Variants in ZNF717 observed in about 807,000 individuals in gnomAD.
ZNF717 encodes the protein zinc finger protein 717.
In ZNF717, 9 loss-of-function variants were observed where a neutral mutation model predicts 13.8. The observed-to-expected ratio is 0.65, with a 90% CI of 0.39 to 1.14. The LOEUF (loss-of-function observed/expected upper bound fraction) is 1.14. ZNF717 is among the 50% of genes most tolerant of loss of function. The pLI, the probability that ZNF717 is intolerant of heterozygous loss-of-function variation, is 0.01. For synonymous variants in ZNF717, 327 were observed against 364.1 expected (o/e 0.90, Z 1.16); for missense variants, 1,040 against 1,080.7 (o/e 0.96, Z 0.53).
In ZNF717 at chr3:75,752,292, C is replaced by T. The variant is rs369831637; in HGVS notation, c.58-10556G>A. Among the ~76,000 whole-genome samples, 11 of 130,118 alleles carry T rather than the reference C, an allele frequency of 8.5e-5. No homozygotes were observed. In the East Asian group the frequency reaches 9.4e-4, roughly 11 times the overall value. The allele number at this position is 130,118 out of a possible 152,430, so 85.4% of individuals were successfully genotyped here. ...GTCCCTCAGATAAGATTCCAGAACA[C>T]GGCTACGAGGGTCTGAATGTTTGTC... On this transcript the variant is annotated intron_variant, in intron 2 of 4. Coordinates refer to ENST00000652011, the MANE Select transcript of ZNF717 (RefSeq NM_001290208.3).
At chr3:75,740,544 A>C (rs1228527959) in intron 4 of ZNF717, among the ~76,000 whole-genome samples, 1 of 148,892 alleles carries the variant, frequency 6.7e-6, no homozygotes, top group African/African-American at 2.5e-5. Context: ...AACTGGGATT[A>C]CAAACCCTTG....
At chr3:75,731,253 A>G (rs1240781856), downstream of ZNF717, among the ~76,000 whole-genome samples, 1 of 152,290 alleles carries the variant, frequency 6.6e-6, no homozygotes, top group Admixed American at 6.5e-5. Flanking sequence ...GGTGTGTGCC[A>G]GTAGTACCAG....
chr3:75,767,271 AC>A (rs1943553713), intron 2 of ZNF717, among the ~76,000 whole-genome samples: 1 of 152,224 alleles, frequency 6.6e-6, no homozygotes, highest in African/African-American at 2.4e-5. Flanking sequence ...GCCACCCTGC[AC>A]ACCACACCGC....
chr3:75,756,886 C>A (rs376437760), intron 2 of ZNF717, among the ~76,000 whole-genome samples: 45 of 135,416 alleles, frequency 3.3e-4, no homozygotes, highest in African/African-American at 1.1e-3. Context: ...ACGTTGGTCA[C>A]ACTGGTGTCG....
At chr3:75,724,008 C>G (rs1278730237) in intron 4 of ZNF717, among the ~76,000 whole-genome samples, 1 of 152,010 alleles carries the variant, frequency 6.6e-6, no homozygotes, top group Non-Finnish European at 1.5e-5. Flanking sequence ...ATAGCAGTAG[C>G]AGAATTAGTG....
chr3:75,697,497 G>A (rs1937616172), intron 6 of ZNF717, among the ~76,000 whole-genome samples: 2 of 152,402 alleles, frequency 1.3e-5, no homozygotes, highest in Admixed American at 6.5e-5. Flanking sequence ...GTAACAACTT[G>A]CACCTCTGTT....
intron 5 of ZNF717, among the ~76,000 whole-genome samples, chr3:75,713,235 C>T (rs1216646672): frequency 1.3e-5 from 2 of 152,256 alleles, no homozygotes; most frequent in African/African-American, 4.8e-5. Context: ...ACTGCAGCCT[C>T]AACCTCCTGG....
At chr3:75,719,882 C>T (rs77028713) in intron 4 of ZNF717, among the ~76,000 whole-genome samples, 2 of 151,724 alleles carry the variant, frequency 1.3e-5, no homozygotes, top group Non-Finnish European at 2.9e-5. Flanking sequence ...CACTTGAACC[C>T]GGGAGAAGGA....
intron 5 of ZNF717, among the ~76,000 whole-genome samples, chr3:75,711,608 C>T (rs1441818847): frequency 3.3e-5 from 5 of 151,948 alleles, no homozygotes; most frequent in Admixed American, 6.6e-5. Flanking sequence ...TCAGCCTGGG[C>T]AATATGGAGA....
intron 5 of ZNF717, among the ~76,000 whole-genome samples, chr3:75,716,062 C>T (rs77128575): frequency 6.6e-6 from 1 of 151,986 alleles, no homozygotes; most frequent in Non-Finnish European, 1.5e-5. Context: ...CCTCCACTTC[C>T]CAGGTTCAAG....
intron 4 of ZNF717, among the ~76,000 whole-genome samples, chr3:75,722,776 G>A (rs1387922900): frequency 1.5e-3 from 195 of 130,490 alleles, no homozygotes; most frequent in African/African-American, 5.7e-3. Context: ...ATTGTGTCCA[G>A]CCTGGTGACA....
chr3:75,780,271 G>C (rs748822162), intron 2 of ZNF717, among the ~76,000 whole-genome samples: 1 of 152,030 alleles, frequency 6.6e-6, no homozygotes, highest in Non-Finnish European at 1.5e-5. Flanking sequence ...TGGGAGTCAC[G>C]TGCTAAAACT....
intron 2 of ZNF717, among the ~76,000 whole-genome samples, chr3:75,773,272 C>T (rs1304862370): frequency 3.4e-3 from 506 of 149,014 alleles, no homozygotes; most frequent in African/African-American, 0.013. Flanking sequence ...AAAATAGGAT[C>T]CTTAATTTCT....
intron 6 of ZNF717, among the ~76,000 whole-genome samples, chr3:75,698,169 G>T (rs1937625926): frequency 1.4e-5 from 2 of 141,290 alleles, no homozygotes; most frequent in South Asian, 4.7e-4. Context: ...AAAAAAGGTT[G>T]TAACTTAAGC....
rs574158480 is a variant in ZNF717, at chr3:75,740,079, G to A, written c.278-734C>T. On this transcript the variant is annotated intron_variant, in intron 4 of 4. Transcript: ENST00000652011. ...AACTCAGGCTGTGCCCGTCATCTTCGAAAAGTGTATTTCTGGTTCCTTCTG... is the reference window on the plus strand; with the variant it reads ...AACTCAGGCTGTGCCCGTCATCTTCAAAAAGTGTATTTCTGGTTCCTTCTG... Among the ~76,000 whole-genome samples, 99 of 148,240 alleles carry A rather than the reference G, an allele frequency of 6.7e-4. 1 individual carries two copies. Among genetic ancestry groups the A allele is most frequent in the African/African-American group, 2.0e-3 (84 of 41,262 alleles).
intron 4 of ZNF717, among the ~76,000 whole-genome samples, chr3:75,720,355 G>A (rs1221314126): frequency 1.3e-5 from 2 of 152,098 alleles, no homozygotes; most frequent in East Asian, 1.9e-4. Context: ...TGCATCTGGA[G>A]CCCATCATCC....
intron 2 of ZNF717, among the ~76,000 whole-genome samples, chr3:75,759,093 C>T (rs1414212677): frequency 6.6e-6 from 1 of 152,194 alleles, no homozygotes; most frequent in Non-Finnish European, 1.5e-5. Context: ...TGCTGTTGCA[C>T]ACTTTATACA....
intron 5 of ZNF717, among the ~76,000 whole-genome samples, chr3:75,711,593 T>C (rs1442923839): frequency 6.6e-6 from 1 of 152,110 alleles, no homozygotes; most frequent in Non-Finnish European, 1.5e-5. Flanking sequence ...CTTGGGAGTT[T>C]GAGATCAGCC....
chr3:75,698,189 A>G (rs1464266904), intron 6 of ZNF717, among the ~76,000 whole-genome samples: 2 of 152,306 alleles, frequency 1.3e-5, no homozygotes, highest in Non-Finnish European at 2.9e-5. Flanking sequence ...CTTACAAGGG[A>G]AGCATAGTGT....
Sources: allele counts gnomAD v4.1 joint callset (sites outside exome capture counted in the v4.1 genomes callset), GRCh38; gene constraint gnomAD v4.1.1; transcripts MANE v1.5; gene names NCBI Gene and HGNC (gene_info 2026-07-23, HGNC 2026-07-21).